The following CPE variants were observed in gnomAD, a reference collection of about 807,000 sequenced individuals.
CPE encodes the protein carbocypeptidase E.
In CPE, 17 loss-of-function variants were observed where a neutral mutation model predicts 53.5. The ratio of observed to expected loss-of-function variants is 0.32; its 90% CI spans 0.22 to 0.48. The LOEUF (loss-of-function observed/expected upper bound fraction) is 0.48. Ranked by LOEUF, CPE falls within the 20% of genes least tolerant of loss-of-function variation. CPE has a pLI of 0.99. For missense variants in CPE, 524 were observed against 614.7 expected, an observed-to-expected ratio of 0.85 and a Z score of 1.56; for synonymous variants, 226 against 228.8, an observed-to-expected ratio of 0.99 and a Z score of 0.11.
At chr4:165,452,576 T>A (rs920620497) in intron 1 of CPE, among the ~76,000 whole-genome samples, 1 of 152,196 alleles carries the variant, frequency 6.6e-6, no homozygotes, top group Admixed American at 6.5e-5. Context: ...TTTTTGTGAT[T>A]TGTTTTTTGG....
intron 1 of CPE, among the ~76,000 whole-genome samples, chr4:165,437,151 G>A (rs1187507003): frequency 1.3e-5 from 2 of 152,166 alleles, no homozygotes; most frequent in African/African-American, 4.8e-5. Flanking sequence ...CCTTAATTGA[G>A]TGTTATTGGT....
At chr4:165,436,084 C>G (rs1158103886) in intron 1 of CPE, among the ~76,000 whole-genome samples, 1 of 152,062 alleles carries the variant, frequency 6.6e-6, no homozygotes, top group Non-Finnish European at 1.5e-5. Flanking sequence ...GCACTCTGTT[C>G]TTGACCTTCC....
chr4:165,444,254 T>C (rs889594265), intron 1 of CPE, among the ~76,000 whole-genome samples: 1 of 152,136 alleles, frequency 6.6e-6, no homozygotes. Flanking sequence ...GTAAATGATG[T>C]AACACAGATA....
At position 165,497,804 on chromosome 4, in the gene CPE, ATATAG is replaced by A; in HGVS notation, c.*198_*202del. 3.2e-6 allele frequency: 1 copy of A among 317,024 alleles called. No homozygotes were observed. The highest frequency in any genetic ancestry group is 5.6e-6 in the Non-Finnish European group (1 of 177,030). The allele number at this position is 317,024 out of a possible 1,614,324, so 19.6% of individuals were successfully genotyped here. ...AGAACTTGATATATTTCATTCTCTTATATAGTATTCATTTTCCTACCTATATTACA... is the reference window on the plus strand; with the variant it reads ...AGAACTTGATATATTTCATTCTCTTATATTCATTTTCCTACCTATATTACA... On this transcript the variant is annotated 3_prime_UTR_variant, in exon 9 of 9. Transcript: ENST00000402744.
chr4:165,490,249 G>A (rs1447276483), intron 6 of CPE, among the ~76,000 whole-genome samples: 1 of 152,196 alleles, frequency 6.6e-6, no homozygotes, highest in Non-Finnish European at 1.5e-5. Context: ...AAGCTAATTA[G>A]AGTAGAGAGT....
chr4:165,385,264 C>A (rs17489067), intron 1 of CPE, among the ~76,000 whole-genome samples: 7,240 of 152,168 alleles, frequency 0.048, 259 homozygotes, highest in South Asian at 0.09. Context: ...GGAAACTGTG[C>A]TCCATGGCCT....
intron 8 of CPE, among the ~76,000 whole-genome samples, chr4:165,496,062 C>T (rs1296093108): frequency 6.6e-6 from 1 of 151,854 alleles, no homozygotes; most frequent in Non-Finnish European, 1.5e-5. Context: ...GGTAACCAAA[C>T]ACTTATTTAG....
intron 1 of CPE, among the ~76,000 whole-genome samples, chr4:165,458,370 C>T (rs370247785): frequency 5.3e-5 from 8 of 152,132 alleles, no homozygotes; most frequent in South Asian, 2.1e-4. Context: ...ACCAGGAACA[C>T]GTGTTTTGAA....
intron 1 of CPE, among the ~76,000 whole-genome samples, chr4:165,439,654 C>T (rs1047768141): frequency 2.6e-5 from 4 of 151,656 alleles, no homozygotes; most frequent in Non-Finnish European, 4.4e-5. Context: ...GTTCATGTTA[C>T]ATTTCTTCCT....
intron 1 of CPE, among the ~76,000 whole-genome samples, chr4:165,429,223 G>A (rs1257988304): frequency 6.6e-6 from 1 of 152,158 alleles, no homozygotes; most frequent in Non-Finnish European, 1.5e-5. Flanking sequence ...TCAAGCAGGA[G>A]CTTCACTTAC....
chr4:165,459,088 T>C (rs1334888699), intron 1 of CPE, among the ~76,000 whole-genome samples: 1 of 152,200 alleles, frequency 6.6e-6, no homozygotes, highest in Admixed American at 6.5e-5. Context: ...TTCTGGGGTG[T>C]AAAAGAGTAA....
intron 6 of CPE, among the ~76,000 whole-genome samples, 187 bp from the exon 7 acceptor site, chr4:165,492,980 CTATT>C (rs1732633519): frequency 6.6e-6 from 1 of 152,084 alleles, no homozygotes; most frequent in Admixed American, 6.5e-5. Flanking sequence ...TTTCACTTAT[CTATT>C]TAGGGAAAAG....
intron 1 of CPE, among the ~76,000 whole-genome samples, chr4:165,431,320 A>G (rs1352752594): frequency 5.9e-5 from 9 of 152,186 alleles, no homozygotes; most frequent in Admixed American, 5.9e-4. Context: ...GCTATAGGTT[A>G]GGTGTGTTAG....
rs143653455 is a variant in CPE, at chr4:165,489,362, A to G, written c.1113+1785A>G. Among the ~76,000 whole-genome samples, 503 of 152,328 alleles carry G rather than the reference A, an allele frequency of 3.3e-3. 2 individuals carry two copies. Among genetic ancestry groups the G allele is most frequent in the African/African-American group, 0.011 (463 of 41,580 alleles). ...TTATGTATATAGTTTTTCAACTAAA[A>G]TGTATTGACTAGTTTCACATCCCAG... is the stretch of plus-strand genomic sequence containing the variant. On this transcript the variant is annotated intron_variant, in intron 6 of 8. Transcript: ENST00000402744.
chr4:165,396,147 G>A (rs180846701), intron 1 of CPE, among the ~76,000 whole-genome samples: 2 of 151,952 alleles, frequency 1.3e-5, no homozygotes, highest in Admixed American at 1.3e-4. Context: ...TTTGCTCTTC[G>A]CACAATGAGG....
At chr4:165,484,094 A>T (rs1430774399) in intron 4 of CPE, among the ~76,000 whole-genome samples, 1 of 152,152 alleles carries the variant, frequency 6.6e-6, no homozygotes, top group Non-Finnish European at 1.5e-5. Context: ...TACATTTTTT[A>T]AATTAAAGAT....
chr4:165,465,151 C>G (rs1309051201), intron 2 of CPE, among the ~76,000 whole-genome samples: 1 of 150,664 alleles, frequency 6.6e-6, no homozygotes, highest in Non-Finnish European at 1.5e-5. Flanking sequence ...AAAGTAATGC[C>G]TTTTTAAGAG....
intron 8 of CPE, 126 bp downstream of exon 8, chr4:165,495,803 C>T: frequency 1.9e-6 from 1 of 528,068 alleles, no homozygotes; most frequent in Non-Finnish European, 3.2e-6. Context: ...ATTGTTATCT[C>T]AACTTAACAG....
At chr4:165,445,083 G>A (rs1166596371) in intron 1 of CPE, among the ~76,000 whole-genome samples, 1 of 151,656 alleles carries the variant, frequency 6.6e-6, no homozygotes, top group Non-Finnish European at 1.5e-5. Context: ...CAGCCTCCCA[G>A]GTAGCTAGGA....
Sources: gnomAD v4.1 joint callset for allele counts (sites outside exome capture counted in the v4.1 genomes callset) on GRCh38, gnomAD v4.1.1 for gene constraint, MANE v1.5 for transcripts, NCBI Gene and HGNC (gene_info 2026-07-23, HGNC 2026-07-21) for gene names.